The following SMIM27 variants were observed in gnomAD, a reference collection of about 807,000 sequenced individuals.
SMIM27 encodes the protein TOPORS antisense RNA 1 (non-protein coding).
Under a neutral mutation model 1.8 loss-of-function variants are expected in SMIM27, and 3 were observed. That is an observed-to-expected ratio of 1.65 (90% CI 0.75 to 4.28). The LOEUF (loss-of-function observed/expected upper bound fraction) is 4.28, where lower values mean the gene tolerates loss of function less well. Among genes scored for constraint, SMIM27 ranks in the 30% most tolerant of loss-of-function variants. SMIM27 has a pLI of 0.02. For synonymous variants in SMIM27, 19 were observed against 13.9 expected (o/e 1.37, Z -0.82); for missense variants, 63 against 37.0 (o/e 1.70, Z -1.83).
At chr9:32,558,943 A>G (rs747710643) in intron 1 of SMIM27, 15 of 1,583,642 alleles carry the variant, frequency 9.5e-6, no homozygotes, top group Non-Finnish European at 1.2e-5. Context: ...CAACTATGCC[A>G]TATGGTTTTT....
exon 2 of SMIM27, chr9:32,566,555 G>C: frequency 1.3e-6 from 1 of 776,772 alleles, no homozygotes; most frequent in Non-Finnish European, 2.4e-6. Context: ...AGCTGCCGTC[G>C]TACTGCACAG....
intron 1 of SMIM27, among the ~76,000 whole-genome samples, chr9:32,558,459 T>C (rs1821534049): frequency 6.6e-6 from 1 of 152,152 alleles, no homozygotes; most frequent in Non-Finnish European, 1.5e-5. Context: ...AATTCACAGA[T>C]GGAGAACTTA....
chr9:32,557,329 A>T, downstream of SMIM27, among the ~76,000 whole-genome samples: 1 of 102,030 alleles, frequency 9.8e-6, no homozygotes, highest in Non-Finnish European at 2.2e-5. Flanking sequence ...ACACCTGGCT[A>T]ATTTTTGTAT....
intron 1 of SMIM27, among the ~76,000 whole-genome samples, chr9:32,559,116 C>A (rs10813835): frequency 6.6e-6 from 1 of 151,954 alleles, no homozygotes; most frequent in Non-Finnish European, 1.5e-5. Context: ...AGCTATCAAA[C>A]AGGCATCTCA....
At chr9:32,566,337 G>T in intron 1 of SMIM27, 1 of 1,169,812 alleles carries the variant, frequency 8.5e-7, no homozygotes, top group South Asian at 1.2e-5. Flanking sequence ...TTCTTTAACT[G>T]CTTCCACCAG....
chr9:32,552,263 GC>G, upstream of SMIM27: 3 of 853,084 alleles, frequency 3.5e-6, no homozygotes, highest in Non-Finnish European at 1.9e-6. Context: ...ACGTGATACC[GC>G]CCCCCAACTC....
At chr9:32,565,792 C>T (rs748544970) in intron 1 of SMIM27, among the ~76,000 whole-genome samples, 3 of 151,966 alleles carry the variant, frequency 2.0e-5, no homozygotes, top group East Asian at 1.9e-4. Flanking sequence ...ACCAACATGG[C>T]GAAACCCTGT....
chr9:32,555,673 C>G (rs1821436380), downstream of SMIM27, among the ~76,000 whole-genome samples: 1 of 152,312 alleles, frequency 6.6e-6, no homozygotes, highest in East Asian at 1.9e-4. Context: ...ATTAAAACAA[C>G]CTCTGGCATT....
chr9:32,551,344 G>A, upstream of SMIM27: 1 of 375,472 alleles, frequency 2.7e-6, no homozygotes, highest in Non-Finnish European at 5.1e-6. Flanking sequence ...GGAATTGTTA[G>A]ATGGACTTGA....
At chr9:32,557,783 C>G (rs1398871503), downstream of SMIM27, among the ~76,000 whole-genome samples, 1 of 152,064 alleles carries the variant, frequency 6.6e-6, no homozygotes, top group Non-Finnish European at 1.5e-5. Flanking sequence ...GGCCCCTCCC[C>G]CAACTATTTC....
upstream of SMIM27, chr9:32,552,269 C>G (rs1186099397): frequency 1.9e-5 from 18 of 945,220 alleles, no homozygotes; most frequent in Non-Finnish European, 2.6e-5. Context: ...TACCGCCCCC[C>G]AACTCCGGGC....
At chr9:32,558,766 G>GT (rs1821545055) in intron 1 of SMIM27, 1 of 491,820 alleles carries the variant, frequency 2.0e-6, no homozygotes, top group African/African-American at 2.0e-5. Context: ...GTTTTGTTTT[G>GT]TTTTTTACAA....
At chr9:32,551,841 T>C (rs1427147652), upstream of SMIM27, 18 of 447,362 alleles carry the variant, frequency 4.0e-5, no homozygotes, top group Non-Finnish European at 5.4e-5. Flanking sequence ...CTTAGAGATA[T>C]ACATTACGCT....
chr9:32,552,923 A>C lies in SMIM27; in HGVS notation c.168A>C (p.Ter56TyrextTer5), dbSNP rs1821338594. The C allele has an allele frequency of 1.4e-6, 1 of 701,270 alleles. No individual in the cohort carries two copies. The highest frequency in any genetic ancestry group is 2.6e-6 in the Non-Finnish European group (1 of 384,410). The allele number at this position is 701,270 out of a possible 1,614,324, so 43.4% of individuals were successfully genotyped here. ...DKIFGTNENL[*>Y] is the part of the protein sequence containing the mutation. ...TCTTTGGGACGAATGAAAATTTGTA[A>C]CTCTTCTGGATTTAATTATCTGAAA... The change falls in exon 2 of 2, where the codon TAA becomes TAC. Residue 56 changes from the stop codon to tyrosine, a stop_lost. Coordinates refer to ENST00000692500, the MANE Select transcript of SMIM27 (RefSeq NM_001387564.1).
rs192155305 is a variant in SMIM27, at chr9:32,562,525, T to G, written c.46-3866T>G. ...CAACATTCACTGGATTATCTATAATTTGTTAGACAGTCCTTAACTTCTGTC... is the reference window on the plus strand; with the variant it reads ...CAACATTCACTGGATTATCTATAATGTGTTAGACAGTCCTTAACTTCTGTC... On this transcript the variant is annotated intron_variant, in intron 1 of 1. Transcript: ENST00000451672. Among the ~76,000 whole-genome samples, 669 of 152,336 alleles carry G rather than the reference T, an allele frequency of 4.4e-3. 5 individuals carry two copies. The highest frequency in any genetic ancestry group is 0.015 in the African/African-American group (640 of 41,576).
intron 1 of SMIM27, chr9:32,558,971 C>A (rs1281500631): frequency 6.4e-7 from 1 of 1,557,440 alleles, no homozygotes; most frequent in Non-Finnish European, 8.8e-7. Context: ...TAAAAGTTAA[C>A]TCTGTGTTAA....
chr9:32,552,127 GCAACTAGAAAGAAAACCA>G, upstream of SMIM27: 1 of 563,044 alleles, frequency 1.8e-6, no homozygotes, highest in Non-Finnish European at 3.1e-6. Flanking sequence ...ATATTGCATT[GCAACTAGAAAGAAAACCA>G]GTGGAGGTAC....
At chr9:32,553,946 T>C (rs781356785), downstream of SMIM27, 2 of 1,578,690 alleles carry the variant, frequency 1.3e-6, no homozygotes, top group Non-Finnish European at 1.7e-6. Flanking sequence ...TGTATCACCC[T>C]AGGAAAACAA....
rs1821335385 is a variant in SMIM27 at position 32,552,851 on chromosome 9, G to C, written c.96G>C (p.Ser32=). 1 of 702,744 alleles carries C rather than the reference G, an allele frequency of 1.4e-6. No individual in the cohort carries two copies. The highest frequency in any genetic ancestry group is 2.6e-6 in the Non-Finnish European group (1 of 384,832). The allele number at this position is 702,744 out of a possible 1,614,324, so 43.5% of individuals were successfully genotyped here. Residue 32 remains serine, a synonymous_variant, in exon 2 of 2, where the codon TCG becomes TCC. Transcript: ENST00000692500. The stretch of plus-strand genomic sequence containing the variant: ...CCTGGGGCTGCATCATCTATGCTTC[G>C]ATGGTGTCTGCAAGACGACAGCTAA... ...LISWGCIIYA[S]MVSARRQLRK... is the part of the protein sequence containing the mutation.
Sources: allele counts gnomAD v4.1 joint callset (sites outside exome capture counted in the v4.1 genomes callset), GRCh38; gene constraint gnomAD v4.1.1; transcripts MANE v1.5; gene names NCBI Gene and HGNC (gene_info 2026-07-23, HGNC 2026-07-21).